The following GMDS variants were observed in gnomAD, a reference collection of about 807,000 sequenced individuals.
GMDS encodes GDP-mannose 4,6 dehydratase.
A neutral mutation model predicts 49.9 loss-of-function variants in GMDS; 20 were observed. The observed-to-expected ratio is 0.40, with a 90% CI of 0.28 to 0.58. The LOEUF (loss-of-function observed/expected upper bound fraction) is 0.58, where lower values mean the gene tolerates loss of function less well. Among genes scored for constraint, GMDS ranks in the 20% least tolerant of loss-of-function variants. The pLI is 0.42. For missense variants in GMDS, 362 were observed against 481.4 expected, an observed-to-expected ratio of 0.75 and a Z score of 2.32; for synonymous variants, 177 against 178.6, an observed-to-expected ratio of 0.99 and a Z score of 0.07.
chr6:1,816,880 G>C (rs553263696), intron 7 of GMDS, among the ~76,000 whole-genome samples: 128 of 151,588 alleles, frequency 8.4e-4, no homozygotes, highest in Non-Finnish European at 1.4e-3. Flanking sequence ...TCAATGGAAG[G>C]GGGGTGGTAG....
intron 6 of GMDS, among the ~76,000 whole-genome samples, chr6:1,933,894 T>C (rs896548602): frequency 6.6e-6 from 1 of 152,228 alleles, no homozygotes; most frequent in African/African-American, 2.4e-5. Context: ...TGAAGTCCAA[T>C]TTGTCTACAT....
chr6:1,876,302 T>A (rs1308244313), intron 7 of GMDS, among the ~76,000 whole-genome samples: 1 of 152,150 alleles, frequency 6.6e-6, no homozygotes, highest in African/African-American at 2.4e-5. Flanking sequence ...ACTTTCTAAC[T>A]ATGTTTTCTG....
At chr6:1,917,939 C>T (rs757688751) in intron 7 of GMDS, among the ~76,000 whole-genome samples, 28 of 152,186 alleles carry the variant, frequency 1.8e-4, no homozygotes, top group Non-Finnish European at 3.4e-4. Flanking sequence ...ATCACACTCA[C>T]GAGGGACAGA....
At chr6:2,040,743 TC>T (rs1474410647) in intron 4 of GMDS, among the ~76,000 whole-genome samples, 2 of 151,970 alleles carry the variant, frequency 1.3e-5, no homozygotes, top group African/African-American at 2.4e-5. Flanking sequence ...CTCACCCTTC[TC>T]CCCCGAAGCA....
At chr6:2,222,589 G>A (rs572504255) in intron 1 of GMDS, among the ~76,000 whole-genome samples, 33 of 152,284 alleles carry the variant, frequency 2.2e-4, no homozygotes, top group African/African-American at 7.2e-4. Flanking sequence ...TGTAATAGAC[G>A]CAATTACCAG....
At chr6:2,178,986 T>C (rs1778403707) in intron 1 of GMDS, among the ~76,000 whole-genome samples, 1 of 152,212 alleles carries the variant, frequency 6.6e-6, no homozygotes, top group Non-Finnish European at 1.5e-5. Flanking sequence ...TGAATAACTT[T>C]GTGCAAAAGA....
chr6:1,632,806 G>C (rs1763036336), intron 9 of GMDS, among the ~76,000 whole-genome samples: 1 of 152,170 alleles, frequency 6.6e-6, no homozygotes. Flanking sequence ...TTGAGCCCAG[G>C]AGTTTGAGGC....
chr6:1,827,078 A>ATGTGTATG (rs1554123977), intron 7 of GMDS, among the ~76,000 whole-genome samples: 1 of 125,230 alleles, frequency 8.0e-6, no homozygotes, highest in Non-Finnish European at 1.7e-5. Flanking sequence ...AAAAATATAT[A>ATGTGTATG]TGTGTGTGTG....
intron 8 of GMDS, among the ~76,000 whole-genome samples, chr6:1,738,530 G>T (rs1767137592): frequency 6.6e-6 from 1 of 152,146 alleles, no homozygotes; most frequent in Admixed American, 6.5e-5. Context: ...TTTTAAAAAC[G>T]ATAACAAAAA....
intron 7 of GMDS, among the ~76,000 whole-genome samples, chr6:1,877,396 T>C (rs141578141): frequency 1.2e-3 from 179 of 152,050 alleles, no homozygotes; most frequent in African/African-American, 4.2e-3. Context: ...TCTCAGTACT[T>C]TGAGAGGCCA....
chr6:2,082,528 A>G (rs77553423), intron 4 of GMDS, among the ~76,000 whole-genome samples: 1,692 of 152,310 alleles, frequency 0.011, 34 homozygotes, highest in African/African-American at 0.039. Flanking sequence ...CAACATTGCT[A>G]AAAACTCAAA....
intron 6 of GMDS, chr6:1,952,085 C>T (rs1763367329): frequency 1.5e-6 from 1 of 654,102 alleles, no homozygotes; most frequent in Non-Finnish European, 1.9e-6. Context: ...ATTGGCTTCA[C>T]GACCTTGGAC....
At chr6:1,819,759 T>C (rs1561825227) in intron 7 of GMDS, among the ~76,000 whole-genome samples, 1 of 58,836 alleles carries the variant, frequency 1.7e-5, no homozygotes, top group Non-Finnish European at 3.3e-5. Context: ...AGACTCTGCC[T>C]CAAAAAAAAA....
At chr6:1,641,732 CTT>C (rs982907531) in intron 9 of GMDS, among the ~76,000 whole-genome samples, 5 of 151,356 alleles carry the variant, frequency 3.3e-5, no homozygotes, top group Non-Finnish European at 7.4e-5. Context: ...CTCTCTCTCT[CTT>C]TTCTATCCCT....
chr6:2,222,054 CAAT>C (rs761593219), intron 1 of GMDS, among the ~76,000 whole-genome samples: 7 of 152,338 alleles, frequency 4.6e-5, no homozygotes, highest in Non-Finnish European at 7.4e-5. Flanking sequence ...TGAAAAGCAA[CAAT>C]GTTTCAGTCT....
At chr6:1,655,796 C>T (rs1434788553) in intron 9 of GMDS, among the ~76,000 whole-genome samples, 7 of 152,160 alleles carry the variant, frequency 4.6e-5, no homozygotes, top group Non-Finnish European at 7.4e-5. Context: ...TGAGCCACCG[C>T]GCCTGGCTGT....
intron 7 of GMDS, among the ~76,000 whole-genome samples, chr6:1,802,996 C>T (rs1461286802): frequency 2.0e-5 from 3 of 152,104 alleles, no homozygotes; most frequent in African/African-American, 4.8e-5. Context: ...TTAATAGCTG[C>T]GCTGATAAGG....
chr6:1,636,727 C>T (rs558388061), intron 9 of GMDS, among the ~76,000 whole-genome samples: 131 of 152,368 alleles, frequency 8.6e-4, no homozygotes, highest in Non-Finnish European at 1.6e-3. Context: ...GCCCTTACCA[C>T]GCTACGGTTA....
At chr6:1,847,930 G>A (rs770662183) in intron 7 of GMDS, among the ~76,000 whole-genome samples, 2 of 152,224 alleles carry the variant, frequency 1.3e-5, no homozygotes, top group African/African-American at 2.4e-5. Flanking sequence ...AGAGTGAGAC[G>A]AGATATATGA....
Sources: allele counts gnomAD v4.1 joint callset (sites outside exome capture counted in the v4.1 genomes callset), GRCh38; gene constraint gnomAD v4.1.1; transcripts MANE v1.5; gene names NCBI Gene and HGNC (gene_info 2026-07-23, HGNC 2026-07-21).